IGSF21: variants seen among roughly 807,000 people sequenced by gnomAD.
The protein encoded by IGSF21 is immunoglobin superfamily member 21.
A neutral mutation model predicts 46.8 loss-of-function variants in IGSF21; 28 were observed. The observed-to-expected ratio is 0.60, with a 90% CI of 0.44 to 0.82. IGSF21 has a LOEUF of 0.82. IGSF21 is among the 40% of genes least tolerant of loss of function. The pLI is 0.00. For synonymous variants in IGSF21, 284 were observed against 273.6 expected (o/e 1.04, Z -0.38); for missense variants, 624 against 665.5 (o/e 0.94, Z 0.69).
intron 2 of IGSF21, among the ~76,000 whole-genome samples, chr1:18,239,443 C>G (rs2084704445): frequency 6.6e-6 from 1 of 152,156 alleles, no homozygotes; most frequent in South Asian, 2.1e-4. Context: ...TTACCACGAC[C>G]ACCCCTCCCT....
At chr1:18,137,385 A>C (rs1229027688) in intron 1 of IGSF21, among the ~76,000 whole-genome samples, 1 of 152,186 alleles carries the variant, frequency 6.6e-6, no homozygotes, top group Non-Finnish European at 1.5e-5. Context: ...AGGTGGGGAC[A>C]CACATCCACC....
intron 2 of IGSF21, among the ~76,000 whole-genome samples, chr1:18,232,532 G>A (rs752858485): frequency 6.6e-6 from 1 of 152,148 alleles, no homozygotes; most frequent in Non-Finnish European, 1.5e-5. Flanking sequence ...CTATTTTCCA[G>A]ATGAAGAAAC....
At chr1:18,271,599 T>C (rs16861781) in intron 2 of IGSF21, among the ~76,000 whole-genome samples, 34,048 of 152,206 alleles carry the variant, frequency 0.22, 4,038 homozygotes, top group African/African-American at 0.29. Context: ...GTGCGGTTGC[T>C]GTGATTCCTC....
chr1:18,145,080 CA>C (rs1439121495), intron 1 of IGSF21, among the ~76,000 whole-genome samples: 1 of 151,964 alleles, frequency 6.6e-6, no homozygotes, highest in Non-Finnish European at 1.5e-5. Context: ...TAGAAAGGCA[CA>C]AAAAAGAAAA....
intron 1 of IGSF21, among the ~76,000 whole-genome samples, chr1:18,144,073 A>T (rs1481920499): frequency 6.6e-6 from 1 of 152,120 alleles, no homozygotes; most frequent in African/African-American, 2.4e-5. Context: ...AGACCTTGTC[A>T]CATTTCCACC....
intron 1 of IGSF21, among the ~76,000 whole-genome samples, chr1:18,223,190 A>C (rs2084528288): frequency 6.6e-6 from 1 of 152,310 alleles, no homozygotes; most frequent in South Asian, 2.1e-4. Flanking sequence ...GCCTGGCCCC[A>C]ACCCCAGGTC....
At chr1:18,271,461 G>T (rs1307214877) in intron 2 of IGSF21, among the ~76,000 whole-genome samples, 1 of 152,166 alleles carries the variant, frequency 6.6e-6, no homozygotes, top group Non-Finnish European at 1.5e-5. Flanking sequence ...AAGTCTGAAA[G>T]TCCTGCATCC....
At chr1:18,211,139 T>G (rs952952779) in intron 1 of IGSF21, among the ~76,000 whole-genome samples, 1 of 152,234 alleles carries the variant, frequency 6.6e-6, no homozygotes, top group African/African-American at 2.4e-5. Context: ...CCCAAAGTGC[T>G]GGGATTACAG....
intron 1 of IGSF21, among the ~76,000 whole-genome samples, chr1:18,171,107 G>A (rs948245366): frequency 5.3e-5 from 8 of 152,146 alleles, no homozygotes; most frequent in African/African-American, 7.2e-5. Flanking sequence ...TGGAGCAAGT[G>A]TCTCGGTGTC....
chr1:18,308,085 A>G (rs1237611570), intron 3 of IGSF21, among the ~76,000 whole-genome samples: 1 of 152,094 alleles, frequency 6.6e-6, no homozygotes, highest in Non-Finnish European at 1.5e-5. Context: ...GGTTTGGTGA[A>G]TGTCCCCCTC....
chr1:18,313,746 G>A (rs150555867), intron 3 of IGSF21, among the ~76,000 whole-genome samples: 3 of 152,256 alleles, frequency 2.0e-5, no homozygotes, highest in African/African-American at 7.2e-5. Context: ...TAGACCTGCC[G>A]AGTGCTTGCC....
chr1:18,252,055 T>TG (rs1553157860), intron 2 of IGSF21, among the ~76,000 whole-genome samples: 2 of 135,606 alleles, frequency 1.5e-5, no homozygotes, highest in East Asian at 2.2e-4. Flanking sequence ...GTTTTTTTTT[T>TG]TTTTTTTTTT....
At chr1:18,276,155 T>G (rs1030838349) in intron 2 of IGSF21, among the ~76,000 whole-genome samples, 1 of 152,142 alleles carries the variant, frequency 6.6e-6, no homozygotes, top group African/African-American at 2.4e-5. Flanking sequence ...CACTTCCTCT[T>G]GCAAAGGTGG....
intron 2 of IGSF21, among the ~76,000 whole-genome samples, chr1:18,287,180 C>CA (rs1157021116): frequency 0.021 from 654 of 31,850 alleles, 13 homozygotes; most frequent in Middle Eastern, 0.042. Context: ...GACTCCGTCT[C>CA]AAAAAAAAAA....
In IGSF21 at chr1:18,334,489, A is replaced by G. The variant is rs2085745737; in HGVS notation, c.306-403A>G. Among the ~76,000 whole-genome samples the G allele has an allele frequency of 6.6e-6, 1 of 152,108 alleles. No homozygotes were observed. The highest frequency in any genetic ancestry group is 6.5e-5 in the Admixed American group (1 of 15,276). On this transcript the variant is annotated intron_variant, in intron 3 of 9. Coordinates refer to ENST00000251296, the MANE Select transcript of IGSF21 (RefSeq NM_032880.5). The surrounding 1 kb of genome is among the most constrained non-coding windows in gnomAD (Gnocchi z 4.3). ...ACCCTATGTGGAGGCCGTCATGAGGAAAGAGGGAGCCGATGCCTCCAGTGA... is the reference window on the plus strand; with the variant it reads ...ACCCTATGTGGAGGCCGTCATGAGGGAAGAGGGAGCCGATGCCTCCAGTGA...
intron 1 of IGSF21, among the ~76,000 whole-genome samples, chr1:18,227,470 C>T (rs1049472348): frequency 1.3e-5 from 2 of 151,614 alleles, no homozygotes; most frequent in East Asian, 1.9e-4. Context: ...CCTGCAGGAC[C>T]GAATAGATGA....
intron 6 of IGSF21, among the ~76,000 whole-genome samples, chr1:18,367,300 T>G (rs534097382): frequency 6.8e-4 from 103 of 152,348 alleles, no homozygotes; most frequent in Admixed American, 1.3e-3. Context: ...ACGGATAGTA[T>G]GTACTATGTG....
chr1:18,358,968 G>A (rs1004445231), intron 4 of IGSF21, among the ~76,000 whole-genome samples: 5 of 152,098 alleles, frequency 3.3e-5, no homozygotes, highest in African/African-American at 1.2e-4. Flanking sequence ...ACTCTTCAAA[G>A]CAAACCTCTT....
At chr1:18,128,829 A>C (rs1265981041) in intron 1 of IGSF21, among the ~76,000 whole-genome samples, 1 of 151,634 alleles carries the variant, frequency 6.6e-6, no homozygotes, top group Non-Finnish European at 1.5e-5. Context: ...TCTGTGTCAC[A>C]TGGGAGGATG....
Sources: gnomAD v4.1 joint callset for allele counts (sites outside exome capture counted in the v4.1 genomes callset) on GRCh38, gnomAD v4.1.1 for gene constraint, Gnocchi (gnomAD v3.1) non-coding constraint, MANE v1.5 for transcripts, NCBI Gene and HGNC (gene_info 2026-07-23, HGNC 2026-07-21) for gene names.